The following PLXNA4 variants were observed in gnomAD, a reference collection of about 807,000 sequenced individuals.
The protein encoded by PLXNA4 is plexin A4, also known as plexin-A4.
A neutral mutation model predicts 191.8 loss-of-function variants in PLXNA4; 44 were observed. That is an observed-to-expected ratio of 0.23 (90% CI 0.18 to 0.29). PLXNA4 has a LOEUF of 0.29. PLXNA4 is among the 10% of genes least tolerant of loss of function. PLXNA4 has a pLI of 1.00. For synonymous variants in PLXNA4, 1,082 were observed against 1,009.5 expected, an observed-to-expected ratio of 1.07 and a Z score of -1.36; for missense variants, 1,800 against 2,488.8, an observed-to-expected ratio of 0.72 and a Z score of 5.89.
At chr7:132,392,667 T>G (rs1793552825) in intron 3 of PLXNA4, among the ~76,000 whole-genome samples, 1 of 152,244 alleles carries the variant, frequency 6.6e-6, no homozygotes, top group African/African-American at 2.4e-5. Flanking sequence ...CTGTATGCCC[T>G]GTTTCACAGT....
At chr7:132,441,022 C>A (rs915463351) in intron 3 of PLXNA4, among the ~76,000 whole-genome samples, 20 of 152,166 alleles carry the variant, frequency 1.3e-4, no homozygotes, top group African/African-American at 4.8e-4. Flanking sequence ...ATTATTATTT[C>A]CATTTTACAT....
intron 3 of PLXNA4, among the ~76,000 whole-genome samples, chr7:132,484,461 T>C (rs1250632986): frequency 3.9e-5 from 6 of 152,172 alleles, no homozygotes; most frequent in African/African-American, 1.2e-4. Context: ...GGTTTAATAT[T>C]TGCAAAACCA....
At chr7:132,357,952 T>A (rs999756578) in intron 3 of PLXNA4, among the ~76,000 whole-genome samples, 1 of 152,144 alleles carries the variant, frequency 6.6e-6, no homozygotes, top group Admixed American at 6.6e-5. Context: ...TACAGAGAAA[T>A]CCATGCCAGA....
At chr7:132,253,244 T>C (rs1472682087) in intron 4 of PLXNA4, among the ~76,000 whole-genome samples, 1 of 149,906 alleles carries the variant, frequency 6.7e-6, no homozygotes, top group African/African-American at 2.4e-5. Context: ...TTTTTTTTTT[T>C]TTTTTTTTTG....
intron 3 of PLXNA4, among the ~76,000 whole-genome samples, chr7:132,331,242 A>T (rs1399732543): frequency 6.6e-6 from 1 of 152,268 alleles, no homozygotes; most frequent in Non-Finnish European, 1.5e-5. Flanking sequence ...CAGGAGGAAG[A>T]TGGATATGGG....
chr7:132,341,321 A>T lies in PLXNA4; in HGVS notation c.1372-43099T>A, dbSNP rs146636451. ...ATCTAAGGCACCAATTGTACAGCAC[A>T]CTATAATTTTATGTACTACTAAGAA... On this transcript the variant is annotated intron_variant, in intron 3 of 31. Transcript: ENST00000321063. 1.4e-3 allele frequency among the ~76,000 whole-genome samples: 218 copies of T among 152,256 alleles called. 2 individuals are homozygous for T. The highest frequency in any genetic ancestry group is 5.1e-3 in the African/African-American group (213 of 41,534).
intron 2 of PLXNA4, among the ~76,000 whole-genome samples, chr7:132,603,886 G>C (rs1391313043): frequency 6.6e-6 from 1 of 152,140 alleles, no homozygotes; most frequent in Non-Finnish European, 1.5e-5. Context: ...TTTGGGGCGG[G>C]GTCCTTTGTT....
intron 3 of PLXNA4, among the ~76,000 whole-genome samples, chr7:132,460,361 T>C (rs1168906846): frequency 2.0e-5 from 3 of 149,066 alleles, no homozygotes; most frequent in Non-Finnish European, 4.4e-5. Context: ...TGAGACACTG[T>C]CTCAAAAAAA....
At chr7:132,558,524 T>C (rs1800896169) in intron 1 of PLXNA4, among the ~76,000 whole-genome samples, 1 of 152,204 alleles carries the variant, frequency 6.6e-6, no homozygotes, top group African/African-American at 2.4e-5. Flanking sequence ...ATTAGTTTAT[T>C]TTTAAGTATT....
rs767498839 is a variant in PLXNA4 at position 132,146,633 on chromosome 7, G to C, written c.4932C>G (p.Asp1644Glu). 1 of 1,614,168 alleles carries C rather than the reference G, an allele frequency of 6.2e-7. No homozygotes were observed. Among genetic ancestry groups the C allele is most frequent in the Non-Finnish European group, 8.5e-7 (1 of 1,180,044 alleles). ...LRSRTPMITP[D>E]LESGVKMWHL... ...GCCACATCTTGACTCCACTCTCCAGGTCAGGAGTGATCATAGGTGTCCGTG... is the reference window on the plus strand; with the variant it reads ...GCCACATCTTGACTCCACTCTCCAGCTCAGGAGTGATCATAGGTGTCCGTG... The change falls in exon 28 of 32, where the codon GAC (aspartate) becomes GAG (glutamate). Residue 1644 changes from aspartate to glutamate, a missense_variant. Transcript: ENST00000321063.
intron 27 of PLXNA4, among the ~76,000 whole-genome samples, chr7:132,147,157 C>T (rs544197422): frequency 4.6e-5 from 7 of 152,336 alleles, no homozygotes; most frequent in African/African-American, 1.7e-4. Context: ...TCTGTCCTCC[C>T]CTCTGGCCTG....
At position 132,386,528 on chromosome 7, in the gene PLXNA4, G is replaced by A. The variant is rs566386098; in HGVS notation, c.1372-88306C>T. On this transcript the variant is annotated intron_variant, in intron 3 of 31. Coordinates refer to ENST00000321063, the MANE Select transcript of PLXNA4 (RefSeq NM_020911.2). ...AAGTGGGGCAGGTGGTACTACATTC[G>A]AGTAAAATCATGCTTAGTGGGGAAG... 2.5e-3 allele frequency among the ~76,000 whole-genome samples: 386 copies of A among 152,276 alleles called. 1 individual carries two copies. Among genetic ancestry groups the A allele is most frequent in the Non-Finnish European group, 3.9e-3 (265 of 68,026 alleles).
chr7:132,401,271 A>G (rs1793972193), intron 3 of PLXNA4, among the ~76,000 whole-genome samples: 1 of 152,244 alleles, frequency 6.6e-6, no homozygotes, highest in African/African-American at 2.4e-5. Context: ...ACCCCTCTGT[A>G]CAATTTATTG....
At chr7:132,258,840 A>G (rs910291670) in intron 4 of PLXNA4, among the ~76,000 whole-genome samples, 3 of 152,230 alleles carry the variant, frequency 2.0e-5, no homozygotes, top group African/African-American at 7.2e-5. Context: ...CCAAACTTTT[A>G]TTGGATATAA....
chr7:132,541,329 G>A (rs1382385619), intron 1 of PLXNA4, among the ~76,000 whole-genome samples: 1 of 152,228 alleles, frequency 6.6e-6, no homozygotes, highest in Admixed American at 6.5e-5. Flanking sequence ...CCATTAAGCT[G>A]TCAAGCTGAG....
At chr7:132,163,468 C>A (rs939827555) in intron 24 of PLXNA4, among the ~76,000 whole-genome samples, 1 of 152,240 alleles carries the variant, frequency 6.6e-6, no homozygotes, top group Non-Finnish European at 1.5e-5. Context: ...GATTAGGAAC[C>A]TGCCCCAATT....
intron 3 of PLXNA4, among the ~76,000 whole-genome samples, chr7:132,461,881 A>G (rs1796519611): frequency 1.3e-5 from 2 of 152,272 alleles, no homozygotes; most frequent in African/African-American, 2.4e-5. Context: ...TGGGGGAAAA[A>G]CAAAGTCTTA....
intron 1 of PLXNA4, among the ~76,000 whole-genome samples, chr7:132,569,063 AG>A (rs1801858457): frequency 6.6e-6 from 1 of 152,170 alleles, no homozygotes; most frequent in African/African-American, 2.4e-5. Context: ...CCCCAAAGTG[AG>A]GGGAGTTGAC....
chr7:132,133,685 G>T (rs1462703192), intron 30 of PLXNA4, among the ~76,000 whole-genome samples: 1 of 152,184 alleles, frequency 6.6e-6, no homozygotes, highest in East Asian at 1.9e-4. Flanking sequence ...GGGAGAGACT[G>T]GTAGAAGGCA....
Sources: allele counts gnomAD v4.1 joint callset (sites outside exome capture counted in the v4.1 genomes callset), GRCh38; gene constraint gnomAD v4.1.1; transcripts MANE v1.5; gene names NCBI Gene and HGNC (gene_info 2026-07-23, HGNC 2026-07-21).